Variants in C12orf42 observed in about 807,000 individuals in gnomAD.
The protein encoded by C12orf42 is uncharacterized protein C12orf42.
In C12orf42, 25 loss-of-function variants were observed where a neutral mutation model predicts 21.6. The ratio of observed to expected loss-of-function variants is 1.16; its 90% CI spans 0.84 to 1.62. The LOEUF is 1.62. C12orf42 is among the 40% of genes most tolerant of loss of function. The pLI, the probability that C12orf42 is intolerant of heterozygous loss-of-function variation, is 0.00. For missense variants in C12orf42, 483 were observed against 459.3 expected (o/e 1.05, Z -0.47); for synonymous variants, 174 against 175.0 (o/e 0.99, Z 0.05).
chr12:103,397,383 C>T (rs2047623395), intron 3 of C12orf42, among the ~76,000 whole-genome samples: 1 of 152,162 alleles, frequency 6.6e-6, no homozygotes, highest in Non-Finnish European at 1.5e-5. Flanking sequence ...AGGTGAGTGC[C>T]AGGCTGGGGG....
At chr12:103,218,871 A>G in the C12orf42 span, among the ~76,000 whole-genome samples, 1 of 152,368 alleles carries the variant, frequency 6.6e-6, no homozygotes, top group East Asian at 1.9e-4. Flanking sequence ...ATTAACTGCC[A>G]TTTTACATTT....
chr12:103,544,486 A>G, the C12orf42 span, among the ~76,000 whole-genome samples: 24 of 151,970 alleles, frequency 1.6e-4, no homozygotes, highest in Non-Finnish European at 2.4e-4. Context: ...CAGGTGGTGT[A>G]TTTCTTTTCC....
At chr12:103,545,977 A>G in the C12orf42 span, among the ~76,000 whole-genome samples, 2 of 152,204 alleles carry the variant, frequency 1.3e-5, no homozygotes, top group Non-Finnish European at 2.9e-5. Flanking sequence ...GAGACAACTA[A>G]TATTAGTTGA....
upstream of C12orf42, among the ~76,000 whole-genome samples, chr12:103,500,513 CACACAAATAAGCTAATAAGAG>C (rs1440355904): frequency 6.6e-6 from 1 of 152,140 alleles, no homozygotes; most frequent in Non-Finnish European, 1.5e-5. Flanking sequence ...AAGATATGCT[CACACAAATAAGCTAATAAGAG>C]AGGCAGCAAA....
At chr12:103,105,592 C>T in the C12orf42 span, among the ~76,000 whole-genome samples, 2 of 152,024 alleles carry the variant, frequency 1.3e-5, no homozygotes, top group African/African-American at 4.8e-5. Flanking sequence ...CTCAGCACCA[C>T]CAGGCAATAT....
the C12orf42 span, among the ~76,000 whole-genome samples, chr12:103,070,807 T>A: frequency 6.6e-6 from 1 of 152,148 alleles, no homozygotes; most frequent in Admixed American, 6.6e-5. Flanking sequence ...TCTTTGTAAA[T>A]ATGGGTAACT....
chr12:103,372,603 C>T (rs2045353232), intron 3 of C12orf42, among the ~76,000 whole-genome samples: 1 of 152,088 alleles, frequency 6.6e-6, no homozygotes, highest in Non-Finnish European at 1.5e-5. Context: ...CAGCCCATCA[C>T]ACTCTGACCT....
chr12:103,391,107 T>G (rs1274291158), intron 3 of C12orf42, among the ~76,000 whole-genome samples: 4 of 152,190 alleles, frequency 2.6e-5, no homozygotes, highest in Non-Finnish European at 5.9e-5. Context: ...TTTCCATGGT[T>G]CATCCACATT....
intron 4 of C12orf42, among the ~76,000 whole-genome samples, chr12:103,329,646 A>G (rs929299210): frequency 6.6e-6 from 1 of 151,668 alleles, no homozygotes; most frequent in East Asian, 1.9e-4. Context: ...AAGAGACTCA[A>G]CTAAATGATG....
At chr12:103,149,685 T>C in the C12orf42 span, among the ~76,000 whole-genome samples, 2 of 152,172 alleles carry the variant, frequency 1.3e-5, no homozygotes, top group African/African-American at 2.4e-5. Flanking sequence ...CCTGCCACCA[T>C]GTGAGAAGGT....
chr12:103,403,220 A>C (rs1242432000), intron 2 of C12orf42, among the ~76,000 whole-genome samples: 10 of 151,874 alleles, frequency 6.6e-5, no homozygotes, highest in Non-Finnish European at 1.5e-4. Flanking sequence ...CTAAAAATAC[A>C]AAAAAATTAG....
rs2037045820 is a variant in C12orf42 at position 103,294,447 on chromosome 12, A to AAAGAAAGG, written n.338-17238_338-17237insCCTTTCTT. On this transcript the variant is annotated intron_variant and non_coding_transcript_variant, in intron 4 of 6. Transcript: ENST00000546526. ...GAGAGAGAGAAAGAAAGAAAGAAAG[A>AAAGAAAGG]AAGAAAGAAAGAAAGAAAGAAAGAA... is the stretch of plus-strand genomic sequence containing the variant. 2.3e-5 allele frequency among the ~76,000 whole-genome samples: 3 copies of AAAGAAAGG among 128,646 alleles called. No individual in the cohort carries two copies. In the South Asian group the frequency reaches 7.5e-4, roughly 32 times the overall value. 84.4% of individuals were successfully genotyped at this position (128,646 alleles called of 152,430 possible).
At chr12:103,270,563 TA>T (rs2035409019) in intron 5 of C12orf42, among the ~76,000 whole-genome samples, 1 of 77,134 alleles carries the variant, frequency 1.3e-5, no homozygotes, top group Non-Finnish European at 2.6e-5. Flanking sequence ...TATTTTATTT[TA>T]TTTATTTATT....
At chr12:103,229,389 G>A in the C12orf42 span, among the ~76,000 whole-genome samples, 1 of 152,210 alleles carries the variant, frequency 6.6e-6, no homozygotes, top group South Asian at 2.1e-4. Context: ...GATTCTCTCA[G>A]CGATTCAAAA....
intron 10 of C12orf42, among the ~76,000 whole-genome samples, chr12:103,240,984 C>T (rs2033709835): frequency 6.6e-6 from 1 of 152,090 alleles, no homozygotes; most frequent in Non-Finnish European, 1.5e-5. Context: ...AATGCTCTAA[C>T]ATCTTTTAAT....
At chr12:103,063,414 G>C in the C12orf42 span, among the ~76,000 whole-genome samples, 4 of 152,140 alleles carry the variant, frequency 2.6e-5, no homozygotes, top group African/African-American at 4.8e-5. Context: ...AGAATGGGAC[G>C]TGCAACTTGG....
At chr12:103,411,641 C>A (rs929627201) in intron 2 of C12orf42, among the ~76,000 whole-genome samples, 2 of 152,156 alleles carry the variant, frequency 1.3e-5, no homozygotes, top group African/African-American at 4.8e-5. Context: ...TTGTTATCTT[C>A]TTCTGCCATG....
At chr12:103,425,012 G>C (rs114447425) in intron 2 of C12orf42, among the ~76,000 whole-genome samples, 1 of 152,146 alleles carries the variant, frequency 6.6e-6, no homozygotes, top group African/African-American at 2.4e-5. Flanking sequence ...AGGGGTGTCC[G>C]TCATTACTGA....
intron 3 of C12orf42, among the ~76,000 whole-genome samples, chr12:103,391,650 T>G (rs2047088716): frequency 6.6e-6 from 1 of 151,442 alleles, no homozygotes; most frequent in Admixed American, 6.6e-5. Context: ...CTTCATATAT[T>G]CTGGATATTA....
Sources: allele counts gnomAD v4.1 joint callset (sites outside exome capture counted in the v4.1 genomes callset), GRCh38; gene constraint gnomAD v4.1.1; transcripts MANE v1.5; gene names NCBI Gene and HGNC (gene_info 2026-07-23, HGNC 2026-07-21).